ANKFN1: variants seen among roughly 807,000 people sequenced by gnomAD.
The protein encoded by ANKFN1 is ankyrin repeat and fibronectin type III domain containing 1.
ANKFN1 carries 74 observed loss-of-function variants against 108.7 expected under a neutral mutation model. The observed-to-expected ratio is 0.68, with a 90% CI of 0.56 to 0.83. The LOEUF is 0.83. ANKFN1 is among the 40% of genes least tolerant of loss of function. ANKFN1 has a pLI of 0.00. For synonymous variants in ANKFN1, 547 were observed against 516.2 expected (o/e 1.06, Z -0.81); for missense variants, 1,505 against 1,382.3 (o/e 1.09, Z -1.41).
At chr17:56,107,197 C>T (rs1311728460) in intron 4 of ANKFN1, among the ~76,000 whole-genome samples, 2 of 152,140 alleles carry the variant, frequency 1.3e-5, no homozygotes, top group Admixed American at 1.3e-4. Flanking sequence ...GCTGGCTGGG[C>T]TGGGGCTGCA....
intron 3 of ANKFN1, among the ~76,000 whole-genome samples, chr17:56,320,563 G>T (rs2045334691): frequency 6.6e-6 from 1 of 152,156 alleles, no homozygotes; most frequent in Non-Finnish European, 1.5e-5. Context: ...CCTCGGCATG[G>T]TGTGGGGGAT....
chr17:56,110,301 C>A (rs148530459), intron 4 of ANKFN1, among the ~76,000 whole-genome samples: 99 of 152,316 alleles, frequency 6.5e-4, no homozygotes, highest in African/African-American at 2.2e-3. Flanking sequence ...TCCCATTTAT[C>A]TAGTTAATTC....
chr17:56,340,092 T>A (rs775745931), intron 4 of ANKFN1, among the ~76,000 whole-genome samples: 1 of 152,220 alleles, frequency 6.6e-6, no homozygotes. Context: ...GTTGGCTGCA[T>A]GTATGTCTTC....
rs779512064 is a variant in ANKFN1, at chr17:56,458,013, GA to G, written c.1557+38del. On this transcript the variant is annotated intron_variant, in intron 14 of 20. Transcript: ENST00000682825. ...CCAGGTTTCAACCCAGGCCCCCAAGGAAAATATTTTTAATGTAGAAAATTCA... is the reference window on the plus strand; with the variant it reads ...CCAGGTTTCAACCCAGGCCCCCAAGGAAATATTTTTAATGTAGAAAATTCA... 16 of 1,564,288 alleles carry G rather than the reference GA, an allele frequency of 1.0e-5. No homozygotes were observed. The South Asian group carries it at 1.8e-4, about 18-fold the overall frequency.
chr17:56,413,722 CT>C (rs562419448), intron 8 of ANKFN1, among the ~76,000 whole-genome samples: 73 of 150,096 alleles, frequency 4.9e-4, no homozygotes, highest in African/African-American at 1.5e-3. Context: ...TGAAGAATCA[CT>C]TTTTTTTTTC....
intron 8 of ANKFN1, among the ~76,000 whole-genome samples, chr17:56,426,231 A>G (rs895189307): frequency 6.6e-6 from 1 of 152,158 alleles, no homozygotes; most frequent in African/African-American, 2.4e-5. Flanking sequence ...GAATACATAA[A>G]ATTTTTCAAA....
Position 56,457,379 on chromosome 17 carries a change from G to C in ANKFN1, c.1430G>C (p.Trp477Ser). The C allele has an allele frequency of 6.3e-7, 1 of 1,589,986 alleles. No homozygotes were observed. The change falls in exon 13 of 21, where the codon TGG becomes TCG. Residue 477 changes from tryptophan to serine, a missense_variant. By Grantham distance (177) the Trp-to-Ser change is radical (BLOSUM62 -3). Transcript: ENST00000682825. ...HTSSITQDFL[W>S]FTKLSCMWED... is the part of the protein sequence containing the mutation. The stretch of plus-strand genomic sequence containing the variant: ...AGTTCTATTACACAAGATTTTCTGT[G>C]GTTCACGAAGGTATACTAAGTTCTG...
intron 4 of ANKFN1, among the ~76,000 whole-genome samples, chr17:56,346,432 A>C (rs1194415116): frequency 6.6e-6 from 1 of 152,064 alleles, no homozygotes; most frequent in Non-Finnish European, 1.5e-5. Context: ...CAAGAAAGTC[A>C]ATGGTAACTT....
At chr17:56,224,219 T>G (rs1916084129) in intron 2 of ANKFN1, among the ~76,000 whole-genome samples, 1 of 152,268 alleles carries the variant, frequency 6.6e-6, no homozygotes, top group Non-Finnish European at 1.5e-5. Flanking sequence ...CACTGGCATA[T>G]TCTATCTTAA....
intron 1 of ANKFN1, among the ~76,000 whole-genome samples, chr17:56,157,118 G>A (rs553427260): frequency 2.9e-4 from 44 of 152,322 alleles, no homozygotes; most frequent in African/African-American, 1.0e-3. Context: ...GAATATTGCA[G>A]TGAGAGATCT....
chr17:56,459,170 C>T (rs1243555157), intron 14 of ANKFN1, among the ~76,000 whole-genome samples: 1 of 151,988 alleles, frequency 6.6e-6, no homozygotes, highest in Non-Finnish European at 1.5e-5. Flanking sequence ...GAGTTCAGTG[C>T]CGTGATCTTG....
At chr17:56,124,390 T>G (rs904124933) in intron 4 of ANKFN1, among the ~76,000 whole-genome samples, 2 of 152,190 alleles carry the variant, frequency 1.3e-5, no homozygotes, top group African/African-American at 4.8e-5. Flanking sequence ...TACGCCACTG[T>G]AGCATATAAG....
intron 8 of ANKFN1, among the ~76,000 whole-genome samples, chr17:56,398,105 T>C (rs1056933148): frequency 3.3e-5 from 5 of 152,178 alleles, no homozygotes; most frequent in African/African-American, 9.7e-5. Context: ...ATTTCATCTT[T>C]ATTTATATAT....
chr17:56,374,866 T>A, intron 8 of ANKFN1, 152 bp downstream of exon 8: 1 of 630,336 alleles, frequency 1.6e-6, no homozygotes, highest in Non-Finnish European at 2.7e-6. Context: ...CCATAGGCAC[T>A]CATGTAAAGG....
intron 4 of ANKFN1, among the ~76,000 whole-genome samples, chr17:56,129,009 T>C (rs1474159872): frequency 6.6e-6 from 1 of 152,136 alleles, no homozygotes; most frequent in Non-Finnish European, 1.5e-5. Context: ...TAAATATACA[T>C]TTTAGCTGTG....
intron 1 of ANKFN1, among the ~76,000 whole-genome samples, chr17:56,174,796 A>G (rs1910986463): frequency 1.3e-5 from 2 of 152,130 alleles, no homozygotes; most frequent in Non-Finnish European, 1.5e-5. Flanking sequence ...GATTCCCTTC[A>G]TCTTTCCCCT....
chr17:56,161,806 G>A (rs1218979926), intron 1 of ANKFN1, among the ~76,000 whole-genome samples: 1 of 151,922 alleles, frequency 6.6e-6, no homozygotes, highest in African/African-American at 2.4e-5. Context: ...AAATATAATT[G>A]CTTGCAAGCT....
intron 1 of ANKFN1, among the ~76,000 whole-genome samples, chr17:56,202,913 C>A (rs1177782327): frequency 2.0e-5 from 3 of 152,136 alleles, no homozygotes; most frequent in Non-Finnish European, 4.4e-5. Flanking sequence ...CATGCATACA[C>A]ACATAAAATA....
At chr17:56,076,392 T>C (rs1370132459) in intron 4 of ANKFN1, among the ~76,000 whole-genome samples, 1 of 152,248 alleles carries the variant, frequency 6.6e-6, no homozygotes, top group Non-Finnish European at 1.5e-5. Context: ...ATTTGCATAA[T>C]CTGCTAGTTG....
Sources: gnomAD v4.1 joint callset for allele counts (sites outside exome capture counted in the v4.1 genomes callset) on GRCh38, gnomAD v4.1.1 for gene constraint, MANE v1.5 for transcripts, NCBI Gene and HGNC (gene_info 2026-07-23, HGNC 2026-07-21) for gene names.